The following CARD6 variants were observed in gnomAD, a reference collection of about 807,000 sequenced individuals.
CARD6 encodes caspase recruitment domain family member 6, also known as caspase recruitment domain-containing protein 6.
CARD6 carries 27 observed loss-of-function variants against 23.6 expected under a neutral mutation model. That is an observed-to-expected ratio of 1.14 (90% confidence interval 0.84 to 1.58). The LOEUF (loss-of-function observed/expected upper bound fraction) is 1.58, where lower values mean the gene tolerates loss of function less well. Ranked by LOEUF, CARD6 falls within the 40% of genes most tolerant of loss-of-function variation. The pLI, the probability that CARD6 is intolerant of heterozygous loss-of-function variation, is 0.00. For missense variants in CARD6, 1,214 were observed against 1,209.9 expected, an observed-to-expected ratio of 1.00 and a Z score of -0.05; for synonymous variants, 397 against 431.8, an observed-to-expected ratio of 0.92 and a Z score of 1.00.
In CARD6 at chr5:40,843,566, A is replaced by G. The variant is rs750214887; in HGVS notation, c.698A>G (p.Tyr233Cys). Residue 233 changes from tyrosine to cysteine, a missense_variant, in exon 2 of 3, where the codon TAT becomes TGT. Physicochemically the swap from Tyr to Cys is radical, Grantham distance 194. Coordinates refer to ENST00000254691, the MANE Select transcript of CARD6 (RefSeq NM_032587.4). ...GAAGCCACTGTGGAAGAGGAGGTTTATGATGACCCAGAGCACGTTGGATAT... is the reference window on the plus strand; with the variant it reads ...GAAGCCACTGTGGAAGAGGAGGTTTGTGATGACCCAGAGCACGTTGGATAT... ...DAEATVEEEV[Y>C]DDPEHVGYDG... The G allele has an allele frequency of 5.6e-6, 9 of 1,610,598 alleles. No individual in the cohort carries two copies. Among genetic ancestry groups the G allele is most frequent in the Admixed American group, 1.7e-5 (1 of 58,976 alleles).
chr5:40,852,644 G>C lies in CARD6; in HGVS notation c.1312G>C (p.Gly438Arg). 1 of 1,614,112 alleles carries C rather than the reference G, an allele frequency of 6.2e-7. No individual in the cohort carries two copies. Among genetic ancestry groups the C allele is most frequent in the African/African-American group, 1.3e-5 (1 of 75,016 alleles). The change falls in exon 3 of 3, where the codon GGG (glycine) becomes CGG (arginine). Residue 438 changes from glycine (G) to arginine (R), a missense_variant. Transcript: ENST00000254691. ...GAAGCAGTCAACACAGTTTTCAGGG[G>C]GGCCTACAGAGGATACAGAAAAGTT... ...VKKQSTQFSG[G>R]PTEDTEKFLT...
intron 2 of CARD6, among the ~76,000 whole-genome samples, chr5:40,850,412 T>TAAAA (rs1324305485): frequency 3.4e-4 from 1 of 2,938 alleles, no homozygotes; most frequent in Non-Finnish European, 6.1e-4. Context: ...ACACTCCATC[T>TAAAA]CAAAAAAAAA....
rs774582405 is a variant in CARD6, at chr5:40,843,518, C to G, written c.650C>G (p.Ser217Cys). ...TTAGGAAAAGAGGAATATCTAGGAT[C>G]TGTTGACACCCCTGAAGATGCAGAA... ...LYLGKEEYLG[S>C]VDTPEDAEAT... The change falls in exon 2 of 3, where the codon TCT (serine) becomes TGT (cysteine). Residue 217 changes from serine to cysteine, a missense_variant. Transcript: ENST00000254691. 15 of 1,607,142 alleles carry G rather than the reference C, an allele frequency of 9.3e-6. No individual in the cohort carries two copies. Among genetic ancestry groups the G allele is most frequent in the Non-Finnish European group, 1.2e-5 (14 of 1,178,006 alleles).
rs757668711 is a variant in CARD6, at chr5:40,841,608, C to T, written c.226C>T (p.Leu76Phe). ...KKGEATCQHF[L>F]KCLFSTFPQS... ...GGGAGAGGCGACCTGTCAGCATTTTCTCAAGTGTTTATTTAGTACTTTTCC... is the reference window on the plus strand; with the variant it reads ...GGGAGAGGCGACCTGTCAGCATTTTTTCAAGTGTTTATTTAGTACTTTTCC... The change falls in exon 1 of 3, where the codon CTC (leucine) becomes TTC (phenylalanine). Residue 76 changes from leucine (L) to phenylalanine (F), a missense_variant. By Grantham distance (22) the Leu-to-Phe change is conservative. Coordinates refer to ENST00000254691, the MANE Select transcript of CARD6 (RefSeq NM_032587.4). 3.4e-5 allele frequency: 55 copies of T among 1,613,954 alleles called. No homozygotes were observed. The highest frequency in any genetic ancestry group is 8.3e-5 in the Admixed American group (5 of 59,996).
In CARD6 at chr5:40,843,345, T is replaced by G; in HGVS notation, c.477T>G (p.Ala159=). Residue 159 remains alanine (A), a synonymous_variant, in exon 2 of 3, where the codon GCT becomes GCG. Coordinates refer to ENST00000254691, the MANE Select transcript of CARD6 (RefSeq NM_032587.4). Reference sequence around the variant, plus strand: ...AGAAAACTAGTTATAGGGAAACAGCTTTGTCTGCCAGGAAGAATGAGAAGG... The same window carrying G: ...AGAAAACTAGTTATAGGGAAACAGCGTTGTCTGCCAGGAAGAATGAGAAGG... ...RDKKTSYRET[A]LSARKNEKEY... The G allele has an allele frequency of 1.2e-6, 2 of 1,614,132 alleles. No homozygotes were observed. The highest frequency in any genetic ancestry group is 2.2e-5 in the South Asian group (2 of 91,086).
At chr5:40,844,102 A>G (rs1184820491) in intron 2 of CARD6, among the ~76,000 whole-genome samples, 1 of 152,118 alleles carries the variant, frequency 6.6e-6, no homozygotes, top group Non-Finnish European at 1.5e-5. Context: ...AGATATGGGG[A>G]TTATGGGTTT....
rs1383572128 is a variant in CARD6 at position 40,853,172 on chromosome 5, G to A, written c.1840G>A (p.Asp614Asn). ...ACAGCTACTGTTTTGGGAGAGGGGA[G>A]ATGCTGGGGATAGAAGGAAGAACAT... ...PAQLLFWERG[D>N]AGDRRKNMEG... Residue 614 changes from aspartate to asparagine, a missense_variant, in exon 3 of 3, where the codon GAT becomes AAT. By Grantham distance (23) the Asp-to-Asn change is conservative. Transcript: ENST00000254691. 6.2e-7 allele frequency: 1 copy of A among 1,614,096 alleles called. No homozygotes were observed. The highest frequency in any genetic ancestry group is 2.2e-5 in the East Asian group (1 of 44,892).
At chr5:40,843,957 T>C (rs1396007101) in intron 2 of CARD6, among the ~76,000 whole-genome samples, 1 of 152,198 alleles carries the variant, frequency 6.6e-6, no homozygotes, top group Admixed American at 6.5e-5. Context: ...TTTGTAAATT[T>C]CTGTAGTTCG....
Position 40,852,733 on chromosome 5 carries a change from G to C in CARD6, c.1401G>C (p.Lys467Asn). Residue 467 changes from lysine to asparagine, a missense_variant, in exon 3 of 3, where the codon AAG (lysine) becomes AAC (asparagine). Transcript: ENST00000254691. ...GTCTAGGATACTGTAGCTTCTCTAA[G>C]TCCAGAATCCTCAACACACTTCTCA... ...FVRLGYCSFSKSRILNTLLSP... is the reference protein window; with the variant it reads ...FVRLGYCSFSNSRILNTLLSP... 1 of 1,613,684 alleles carries C rather than the reference G, an allele frequency of 6.2e-7. No individual in the cohort carries two copies. Among genetic ancestry groups the C allele is most frequent in the Non-Finnish European group, 8.5e-7 (1 of 1,179,816 alleles).
Position 40,852,177 on chromosome 5 carries a change from G to T in CARD6, c.845G>T (p.Arg282Ile), listed in dbSNP as rs925864537. The T allele has an allele frequency of 6.3e-7, 1 of 1,594,124 alleles. No homozygotes were observed. The highest frequency in any genetic ancestry group is 1.7e-5 in the Admixed American group (1 of 57,804). ...ACTATTATCTTCTCTCCTACAGAAA[G>T]AAAAAAGGTGTTTAAAGATGTCCTG... is the stretch of plus-strand genomic sequence containing the variant. ...EEEQEKSIEE[R>I]KKVFKDVLLC... The change falls in exon 3 of 3, where the codon AGA becomes ATA. Residue 282 changes from arginine (R) to isoleucine (I), a missense_variant. Arg to Ile is a moderately conservative substitution (Grantham distance 97, BLOSUM62 -3). Coordinates refer to ENST00000254691, the MANE Select transcript of CARD6 (RefSeq NM_032587.4).
chr5:40,847,171 A>C (rs1745979956), intron 2 of CARD6, among the ~76,000 whole-genome samples: 1 of 152,204 alleles, frequency 6.6e-6, no homozygotes, highest in Non-Finnish European at 1.5e-5. Context: ...TTCTTTCCCA[A>C]GTAATATTTG....
chr5:40,853,776 T>G lies in CARD6; in HGVS notation c.2444T>G (p.Phe815Cys), dbSNP rs750158407. Residue 815 changes from phenylalanine to cysteine, a missense_variant, in exon 3 of 3, where the codon TTT (phenylalanine) becomes TGT (cysteine). Phe to Cys is a radical substitution (Grantham distance 205). Coordinates refer to ENST00000254691, the MANE Select transcript of CARD6 (RefSeq NM_032587.4). Reference protein sequence around the residue: ...VARGCHSNGTFGRLPRPICQH... With the variant: ...VARGCHSNGTCGRLPRPICQH... ...CGGGGATGTCACTCGAATGGAACAT[T>G]TGGGAGACTGCCAAGACCCATTTGT... is the stretch of plus-strand genomic sequence containing the variant. The G allele has an allele frequency of 5.0e-6, 8 of 1,614,048 alleles. No homozygotes were observed. The African/African-American group carries it at 5.3e-5, about 11-fold the overall frequency.
Position 40,854,115 on chromosome 5 carries a change from CT to C in CARD6, c.2784del (p.Leu929SerfsTer3). On this transcript the variant is annotated frameshift_variant, in exon 3 of 3. Transcript: ENST00000254691. LOFTEE classifies it low-confidence loss of function (END_TRUNC). ...MKTQGGASNPALQIGSHPMCK... is the reference protein window; with the variant it reads ...MKTQGGASNPXLQIGSHPMCK... ...ACACAAGGTGGGGCTTCAAATCCAG[CT>C]CTCCAAATAGGGTCCCATCCCATGT... 2 of 1,614,200 alleles carry C rather than the reference CT, an allele frequency of 1.2e-6. No individual in the cohort carries two copies. Among genetic ancestry groups the C allele is most frequent in the Non-Finnish European group, 1.7e-6 (2 of 1,180,032 alleles).
chr5:40,845,092 T>A (rs1467903387), intron 2 of CARD6, among the ~76,000 whole-genome samples: 1 of 152,090 alleles, frequency 6.6e-6, no homozygotes, highest in East Asian at 1.9e-4. Flanking sequence ...GGTCTCGAAC[T>A]CCTAACCTCA....
Position 40,843,553 on chromosome 5 carries a change from G to C in CARD6, c.685G>C (p.Glu229Gln), listed in dbSNP as rs756839507. The change falls in exon 2 of 3, where the codon GAA (glutamate) becomes CAA (glutamine). Residue 229 changes from glutamate (E) to glutamine (Q), a missense_variant. Physicochemically the swap from Glu to Gln is conservative, Grantham distance 29. Transcript: ENST00000254691. Reference protein sequence around the residue: ...DTPEDAEATVEEEVYDDPEHV... With the variant: ...DTPEDAEATVQEEVYDDPEHV... ...CCCTGAAGATGCAGAAGCCACTGTG[G>C]AAGAGGAGGTTTATGATGACCCAGA... is the stretch of plus-strand genomic sequence containing the variant. 6.2e-7 allele frequency: 1 copy of C among 1,609,040 alleles called. No individual in the cohort carries two copies. Among genetic ancestry groups the C allele is most frequent in the Admixed American group, 1.7e-5 (1 of 58,502 alleles).
chr5:40,843,039 A>C, intron 1 of CARD6, 113 bp from the exon 2 acceptor site: 1 of 736,764 alleles, frequency 1.4e-6, no homozygotes, highest in East Asian at 2.7e-5. Flanking sequence ...ACTCTGTCTC[A>C]AAAAATAAAT....
chr5:40,852,408 T>C lies in CARD6; in HGVS notation c.1076T>C (p.Leu359Pro), dbSNP rs1458642831. The part of the protein sequence containing the change: ...VLDEDSKEDL[L>P]AGVENLEIRD... ...GATGAAGATAGCAAGGAGGATTTGC[T>C]GGCTGGAGTGGAGAATTTGGAAATT... Residue 359 changes from leucine (L) to proline (P), a missense_variant, in exon 3 of 3, where the codon CTG becomes CCG. Leu to Pro is a moderately conservative substitution (Grantham distance 98, BLOSUM62 -3). Coordinates refer to ENST00000254691, the MANE Select transcript of CARD6 (RefSeq NM_032587.4). The C allele has an allele frequency of 1.2e-6, 2 of 1,614,040 alleles. No individual in the cohort carries two copies. The highest frequency in any genetic ancestry group is 1.7e-6 in the Non-Finnish European group (2 of 1,180,028).
intron 2 of CARD6, 37 bp downstream of exon 2, chr5:40,843,746 C>A: frequency 1.5e-6 from 2 of 1,362,524 alleles, no homozygotes; most frequent in South Asian, 1.7e-5. Flanking sequence ...TAGGCAACAA[C>A]TTAATAAGTT....
chr5:40,850,241 T>C (rs323564), intron 2 of CARD6, among the ~76,000 whole-genome samples: 30,023 of 150,814 alleles, frequency 0.2, 3,217 homozygotes, highest in East Asian at 0.35. Flanking sequence ...AGTGAAACCC[T>C]GTCTCTACTA....
Sources: gnomAD v4.1 joint callset for allele counts (sites outside exome capture counted in the v4.1 genomes callset) on GRCh38, gnomAD v4.1.1 for gene constraint, MANE v1.5 for transcripts, NCBI Gene and HGNC (gene_info 2026-07-23, HGNC 2026-07-21) for gene names.